The following STEEP1 variants were observed in gnomAD, a reference collection of about 807,000 sequenced individuals.
STEEP1 encodes the protein STING ER exit protein.
A neutral mutation model predicts 19.2 loss-of-function variants in STEEP1; 3 were observed. The ratio of observed to expected loss-of-function variants is 0.16; its 90% CI spans 0.07 to 0.40. The LOEUF is 0.40. Among genes scored for constraint, STEEP1 ranks in the 10% least tolerant of loss-of-function variants. The pLI, the probability that STEEP1 is intolerant of heterozygous loss-of-function variation, is 0.99. For synonymous variants in STEEP1, 46 were observed against 63.7 expected, an observed-to-expected ratio of 0.72 and a Z score of 1.32; for missense variants, 54 against 177.1, an observed-to-expected ratio of 0.30 and a Z score of 3.94.
intron 2 of STEEP1, among the ~76,000 whole-genome samples, chrX:119,554,893 G>A (rs1213321416): frequency 9.0e-6 from 1 of 110,723 alleles, no homozygotes; most frequent in Non-Finnish European, 1.9e-5. Context: ...GATTGCTTGA[G>A]CCTAGGAGTT....
intron 2 of STEEP1, among the ~76,000 whole-genome samples, chrX:119,553,168 T>TAAAA (rs1373779853): frequency 1.7e-4 from 17 of 98,511 alleles, no homozygotes; most frequent in East Asian, 3.2e-4. Context: ...AAAAAAAAAG[T>TAAAA]GGAAAACAGA....
chrX:119,543,860 T>A (rs1315418811), intron 4 of STEEP1, among the ~76,000 whole-genome samples: 2 of 112,069 alleles, frequency 1.8e-5, no homozygotes, highest in East Asian at 5.6e-4. Flanking sequence ...ACATGATATC[T>A]CTCCATAAAA....
At chrX:119,541,535 A>C in intron 5 of STEEP1, 115 bp from the exon 6 acceptor site, 1 of 464,318 alleles carries the variant, frequency 2.2e-6, no homozygotes, top group Non-Finnish European at 3.8e-6. Context: ...AAATGGCAGG[A>C]CTCTGTTCCT....
chrX:119,563,926 G>T (rs1413983593), intron 1 of STEEP1, among the ~76,000 whole-genome samples: 1 of 111,509 alleles, frequency 9.0e-6, no homozygotes, highest in Non-Finnish European at 1.9e-5. Context: ...AATTGGAGAG[G>T]GGGTGTAGAG....
chrX:119,549,606 TAA>T (rs1292153933), intron 2 of STEEP1, among the ~76,000 whole-genome samples: 1 of 112,022 alleles, frequency 8.9e-6, no homozygotes, highest in African/African-American at 3.2e-5. Flanking sequence ...AATTTATAAA[TAA>T]AAGAGATTGA....
rs766025236 is a variant in STEEP1, at chrX:119,538,283, TAAAGTA to T, written c.*1438_*1443del. ...AACACTCCTCTGCAAATAACAAATGTAAAGTAAAAGATACCCAACAAATCATTTTGT... is the reference window on the plus strand; with the variant it reads ...AACACTCCTCTGCAAATAACAAATGTAAAGATACCCAACAAATCATTTTGT... On this transcript the variant is annotated 3_prime_UTR_variant, in exon 7 of 7. Coordinates refer to ENST00000644802, the MANE Select transcript of STEEP1 (RefSeq NM_022101.4). The T allele has an allele frequency of 9.1e-4, 102 of 111,837 alleles. 1 individual carries two copies. Among genetic ancestry groups the T allele is most frequent in the African/African-American group, 3.1e-3 (96 of 30,888 alleles). 9.2% of individuals were successfully genotyped at this position (111,837 alleles called of 1,213,427 possible).
chrX:119,559,523 T>A (rs1480521332), intron 2 of STEEP1, among the ~76,000 whole-genome samples: 1 of 111,240 alleles, frequency 9.0e-6, no homozygotes, highest in African/African-American at 3.3e-5. Flanking sequence ...TCAGGACAAA[T>A]GACCCACTCC....
At chrX:119,556,496 T>C (rs1183896824) in intron 2 of STEEP1, among the ~76,000 whole-genome samples, 1 of 106,957 alleles carries the variant, frequency 9.3e-6, no homozygotes, top group Admixed American at 1.0e-4. Flanking sequence ...GGCAGGAGAA[T>C]GGCCTGAACC....
chrX:119,541,921 G>T (rs1199466135), intron 5 of STEEP1, among the ~76,000 whole-genome samples: 1 of 111,309 alleles, frequency 9.0e-6, no homozygotes, highest in African/African-American at 3.3e-5. Flanking sequence ...GCCCTCTAAG[G>T]CATCTCTAAA....
chrX:119,544,749 T>C lies in STEEP1; in HGVS notation c.285-258A>G, dbSNP rs951457068. ...TGAGATCAGGAGTTCAAGACCAGCC[T>C]GGCCAACATGGCAAAACCCCATCTC... On this transcript the variant is annotated intron_variant, in intron 3 of 6. Coordinates refer to ENST00000644802, the MANE Select transcript of STEEP1 (RefSeq NM_022101.4). 2.7e-5 allele frequency among the ~76,000 whole-genome samples: 3 copies of C among 111,389 alleles called. No homozygotes were observed. In the Admixed American group the frequency reaches 2.9e-4, roughly 11 times the overall value.
At chrX:119,548,832 A>C (rs1481362849) in intron 2 of STEEP1, among the ~76,000 whole-genome samples, 1 of 112,063 alleles carries the variant, frequency 8.9e-6, no homozygotes, top group Non-Finnish European at 1.9e-5. Flanking sequence ...TCAATGGCTA[A>C]ATGGATAAAG....
At chrX:119,542,622 T>G in intron 4 of STEEP1, 28 bp from the exon 5 acceptor site, 1 of 1,084,164 alleles carries the variant, frequency 9.2e-7, no homozygotes, top group Non-Finnish European at 1.3e-6. Context: ...AAGAAGTCAG[T>G]CCGGTTCACC....
intron 2 of STEEP1, among the ~76,000 whole-genome samples, chrX:119,546,959 A>G (rs1341905186): frequency 9.0e-6 from 1 of 111,222 alleles, no homozygotes; most frequent in Non-Finnish European, 1.9e-5. Context: ...TATGGTATAC[A>G]TAAGAGTATA....
intron 1 of STEEP1, 87 bp downstream of exon 1, chrX:119,565,145 C>A (rs1438619469): frequency 1.7e-5 from 19 of 1,114,775 alleles, no homozygotes; most frequent in Non-Finnish European, 2.0e-5. Flanking sequence ...TGAGAAGTGG[C>A]TCCCAGATCA....
intron 5 of STEEP1, among the ~76,000 whole-genome samples, chrX:119,542,050 C>CTTTTTTTTTTTTT (rs2053165080): frequency 3.7e-5 from 2 of 53,796 alleles, no homozygotes; most frequent in African/African-American, 1.3e-4. Flanking sequence ...AGTTTCTTTT[C>CTTTTTTTTTTTTT]TTTTCTTTTT....
intron 2 of STEEP1, among the ~76,000 whole-genome samples, chrX:119,557,155 CAA>C (rs61087266): frequency 3.1e-4 from 15 of 47,761 alleles, no homozygotes; most frequent in African/African-American, 1.1e-3. Context: ...GACTCTATCT[CAA>C]AAAAAAAAAA....
At chrX:119,555,371 C>T (rs898302068) in intron 2 of STEEP1, among the ~76,000 whole-genome samples, 9 of 110,555 alleles carry the variant, frequency 8.1e-5, no homozygotes, top group Admixed American at 6.9e-4. Flanking sequence ...CACAATGATC[C>T]CTAAATGAAA....
intron 2 of STEEP1, among the ~76,000 whole-genome samples, chrX:119,550,329 G>A (rs1464028412): frequency 8.9e-6 from 1 of 111,971 alleles, no homozygotes; most frequent in African/African-American, 3.2e-5. Flanking sequence ...AAAAGCTATA[G>A]TAATAAAGAC....
At chrX:119,557,714 G>C (rs996190638) in intron 2 of STEEP1, among the ~76,000 whole-genome samples, 1 of 110,105 alleles carries the variant, frequency 9.1e-6, no homozygotes, top group African/African-American at 3.3e-5. Context: ...CTGGAGTGAT[G>C]CATTTACAAT....
Sources: allele counts gnomAD v4.1 joint callset (sites outside exome capture counted in the v4.1 genomes callset), GRCh38; gene constraint gnomAD v4.1.1; transcripts MANE v1.5; gene names NCBI Gene and HGNC (gene_info 2026-07-23, HGNC 2026-07-21).